The following SLC9A6 variants were observed in gnomAD, a reference collection of about 807,000 sequenced individuals.
SLC9A6 encodes the protein solute carrier family 9 member A6.
A neutral mutation model predicts 45.3 loss-of-function variants in SLC9A6; 6 were observed. The ratio of observed to expected loss-of-function variants is 0.13; its 90% CI spans 0.07 to 0.26. The LOEUF is 0.26. Ranked by LOEUF, SLC9A6 falls within the 10% of genes least tolerant of loss-of-function variation. The pLI is 1.00. For missense variants in SLC9A6, 278 were observed against 503.7 expected (o/e 0.55, Z 4.29); for synonymous variants, 191 against 187.7 (o/e 1.02, Z -0.14).
intron 15 of SLC9A6, among the ~76,000 whole-genome samples, chrX:136,031,915 G>A (rs782100783): frequency 8.0e-5 from 9 of 111,821 alleles, no homozygotes; most frequent in African/African-American, 2.9e-4. Context: ...AGCCCATACA[G>A]TGTTTCCAAA....
chrX:136,014,169 C>T (rs2070974773), intron 10 of SLC9A6, among the ~76,000 whole-genome samples: 1 of 111,927 alleles, frequency 8.9e-6, no homozygotes, highest in African/African-American at 3.2e-5. Flanking sequence ...TAGTGAGAAA[C>T]AGAAGGTTTA....
rs1013545358 is a variant in SLC9A6 at position 135,988,453 on chromosome X, C to T, written c.169+2626C>T. ...CTTTTCTTTCTTTCTTTCTTTCTCTCTCTTTTCTTTCTTTCTTTCTTTTCT... is the reference window on the plus strand; with the variant it reads ...CTTTTCTTTCTTTCTTTCTTTCTCTTTCTTTTCTTTCTTTCTTTCTTTTCT... On this transcript the variant is annotated intron_variant, in intron 2 of 17. Transcript: ENST00000630721. Among the ~76,000 whole-genome samples the T allele has an allele frequency of 3.4e-4, 36 of 107,047 alleles. 1 individual carries two copies. The highest frequency in any genetic ancestry group is 1.1e-3 in the African/African-American group (31 of 28,957). 93.0% of individuals were successfully genotyped at this position (107,047 alleles called of 115,157 possible).
At chrX:136,006,674 A>C (rs782302207) in intron 7 of SLC9A6, among the ~76,000 whole-genome samples, 150 of 110,605 alleles carry the variant, frequency 1.4e-3, no homozygotes, top group African/African-American at 4.7e-3. Context: ...ATAGTATTCC[A>C]CTGAATGGAT....
chrX:136,046,363 A>T lies in SLC9A6; in HGVS notation c.*1639A>T, dbSNP rs1239007225. Reference sequence around the variant, plus strand: ...TTGACTGTTGGCATAGCCATTTGTTATGTAGTGGTAGCGACTTTCCTGCTA... The same window carrying T: ...TTGACTGTTGGCATAGCCATTTGTTTTGTAGTGGTAGCGACTTTCCTGCTA... On this transcript the variant is annotated 3_prime_UTR_variant, in exon 18 of 18. Transcript: ENST00000630721. 1 of 112,410 alleles carries T rather than the reference A, an allele frequency of 8.9e-6. No individual in the cohort carries two copies. The highest frequency in any genetic ancestry group is 1.9e-5 in the Non-Finnish European group (1 of 53,268). The allele number at this position is 112,410 out of a possible 1,213,427, so 9.3% of individuals were successfully genotyped here.
intron 7 of SLC9A6, among the ~76,000 whole-genome samples, chrX:136,004,432 C>T (rs539496723): frequency 9.0e-5 from 10 of 111,188 alleles, no homozygotes; most frequent in African/African-American, 3.3e-4. Context: ...ACTCTATAGG[C>T]AGTTGCCCTT....
At chrX:135,986,902 A>AT (rs1556615047) in intron 2 of SLC9A6, among the ~76,000 whole-genome samples, 1 of 111,677 alleles carries the variant, frequency 9.0e-6, no homozygotes, top group Non-Finnish European at 1.9e-5. Context: ...TGTGAAGATT[A>AT]TCTTCATTTG....
chrX:135,997,469 G>A (rs1207357535), intron 3 of SLC9A6, among the ~76,000 whole-genome samples: 39 of 95,200 alleles, frequency 4.1e-4, no homozygotes, highest in Non-Finnish European at 5.3e-4. Context: ...GTGCACTGGC[G>A]CGATCTTGGC....
intron 1 of SLC9A6, among the ~76,000 whole-genome samples, chrX:135,978,904 T>C (rs1156752008): frequency 2.7e-5 from 3 of 110,519 alleles, no homozygotes; most frequent in African/African-American, 9.9e-5. Flanking sequence ...AGAACTGAAA[T>C]TCACCAGACC....
At chrX:135,973,940 G>A (rs1556612957), upstream of SLC9A6, 4 of 1,126,700 alleles carry the variant, frequency 3.6e-6, no homozygotes, top group Middle Eastern at 7.2e-4. Context: ...GGAGCCCAAC[G>A]GAGTCATAAA....
intron 12 of SLC9A6, among the ~76,000 whole-genome samples, chrX:136,023,490 A>G (rs1233768164): frequency 9.2e-6 from 1 of 108,843 alleles, no homozygotes; most frequent in Admixed American, 1.0e-4. Flanking sequence ...CAATTTACCC[A>G]TACAGCATGG....
intron 13 of SLC9A6, among the ~76,000 whole-genome samples, chrX:136,026,112 T>C (rs1188304043): frequency 8.9e-6 from 1 of 112,404 alleles, no homozygotes; most frequent in Non-Finnish European, 1.9e-5. Flanking sequence ...TATTGTCTTA[T>C]AGTCTTAGGT....
chrX:136,014,712 C>T (rs982346253), intron 10 of SLC9A6, among the ~76,000 whole-genome samples: 3 of 112,934 alleles, frequency 2.7e-5, no homozygotes, highest in African/African-American at 9.6e-5. Context: ...TTGCAGTGAG[C>T]TGAGATCGTG....
chrX:135,978,215 A>G (rs1027948913), intron 1 of SLC9A6, among the ~76,000 whole-genome samples: 2 of 111,908 alleles, frequency 1.8e-5, no homozygotes, highest in African/African-American at 6.5e-5. Flanking sequence ...TAAAACATCA[A>G]TTGCTTCTCT....
chrX:136,031,874 A>T (rs782331393), intron 15 of SLC9A6, among the ~76,000 whole-genome samples: 1 of 111,051 alleles, frequency 9.0e-6, no homozygotes, highest in Non-Finnish European at 1.9e-5. Flanking sequence ...TATGATGTGA[A>T]AGGAATTGCA....
Position 136,041,486 on chromosome X carries a change from C to T in SLC9A6, c.1767+1305C>T, listed in dbSNP as rs782284687. 8.9e-5 allele frequency among the ~76,000 whole-genome samples: 10 copies of T among 111,914 alleles called. No individual in the cohort carries two copies. The South Asian group carries it at 3.7e-3, about 42-fold the overall frequency. The stretch of plus-strand genomic sequence containing the variant: ...GACTGTGCCTGTGAGATGGGGCACA[C>T]ACCCCATGTTGCCCCTCCTCTCCCT... On this transcript the variant is annotated intron_variant, in intron 17 of 17. Coordinates refer to ENST00000630721, the MANE Select transcript of SLC9A6 (RefSeq NM_001379110.1).
upstream of SLC9A6, chrX:135,985,043 G>A (rs1469981462): frequency 9.0e-6 from 1 of 110,579 alleles, no homozygotes; most frequent in Non-Finnish European, 1.8e-5. Flanking sequence ...AGGAGAATCC[G>A]ATTTAAATTT....
intron 13 of SLC9A6, among the ~76,000 whole-genome samples, chrX:136,027,126 C>G (rs1464522066): frequency 8.9e-6 from 1 of 112,011 alleles, no homozygotes; most frequent in Non-Finnish European, 1.9e-5. Flanking sequence ...CTCATAACAT[C>G]CATACTTTAG....
At chrX:136,004,547 A>G (rs933189012) in intron 7 of SLC9A6, among the ~76,000 whole-genome samples, 2 of 112,304 alleles carry the variant, frequency 1.8e-5, no homozygotes, top group South Asian at 3.7e-4. Context: ...ATGAAAGAAT[A>G]AAACATCACT....
At position 136,033,467 on chromosome X, in the gene SLC9A6, C is replaced by T; in HGVS notation, c.1635C>T (p.Phe545=). 8.5e-7 allele frequency: 1 copy of T among 1,175,996 alleles called. No individual in the cohort carries two copies. The highest frequency in any genetic ancestry group is 1.2e-6 in the Non-Finnish European group (1 of 868,352). The change falls in exon 16 of 18, where the codon TTC becomes TTT. Residue 545 remains phenylalanine, a synonymous_variant. Transcript: ENST00000630721. ...CCAAAGCAGAGAGTGCTTGGCTTTT[C>T]CGGATGTGGTACAACTTTGATCATA... The part of the protein sequence containing the change: ...RTTKAESAWL[F]RMWYNFDHNY...
Sources: allele counts gnomAD v4.1 joint callset (sites outside exome capture counted in the v4.1 genomes callset), GRCh38; gene constraint gnomAD v4.1.1; transcripts MANE v1.5; gene names NCBI Gene and HGNC (gene_info 2026-07-23, HGNC 2026-07-21).